Variants in DPY19L1 observed in about 807,000 individuals in gnomAD.
The protein encoded by DPY19L1 is dpy-19 like C-mannosyltransferase 1, also known as protein C-mannosyl-transferase DPY19L1.
DPY19L1 carries 35 observed loss-of-function variants against 96.9 expected under a neutral mutation model. The ratio of observed to expected loss-of-function variants is 0.36; its 90% confidence interval spans 0.28 to 0.48. DPY19L1 has a LOEUF of 0.48. Ranked by LOEUF, DPY19L1 falls within the 20% of genes least tolerant of loss-of-function variation. The probability of loss-of-function intolerance (pLI) is 0.99; values close to 1 mark genes in which losing one functional copy is unlikely to be tolerated. For synonymous variants in DPY19L1, 205 were observed against 252.6 expected, an observed-to-expected ratio of 0.81 and a Z score of 1.79; for missense variants, 521 against 777.9, an observed-to-expected ratio of 0.67 and a Z score of 3.93.
chr7:34,940,124 G>A (rs115645318), intron 19 of DPY19L1, 29 bp downstream of exon 19: 1 of 1,453,450 alleles, frequency 6.9e-7, no homozygotes, highest in African/African-American at 1.5e-5. Flanking sequence ...TAAATAATAT[G>A]ACTTTTTTTT....
intron 14 of DPY19L1, 100 bp downstream of exon 14, chr7:34,949,697 G>A (rs1784229616): frequency 1.4e-6 from 1 of 738,790 alleles, no homozygotes; most frequent in South Asian, 1.8e-5. Flanking sequence ...CCTTCAAACT[G>A]AGATAACAGC....
intron 6 of DPY19L1, among the ~76,000 whole-genome samples, chr7:34,992,858 C>G (rs1785203232): frequency 6.6e-6 from 1 of 152,026 alleles, no homozygotes; most frequent in African/African-American, 2.4e-5. Flanking sequence ...CACCTATAAC[C>G]AATCAAACTG....
chr7:34,989,543 C>T (rs192297542), intron 7 of DPY19L1, among the ~76,000 whole-genome samples: 96 of 152,000 alleles, frequency 6.3e-4, no homozygotes, highest in Non-Finnish European at 1.3e-3. Context: ...GATCACCTGA[C>T]CCCAAGAATT....
chr7:35,001,034 G>A (rs898028711), intron 6 of DPY19L1, among the ~76,000 whole-genome samples: 1 of 152,090 alleles, frequency 6.6e-6, no homozygotes, highest in Non-Finnish European at 1.5e-5. Context: ...CTGTGACCTC[G>A]GAAAAGTTAT....
chr7:34,983,762 C>G (rs1297540727), intron 7 of DPY19L1, among the ~76,000 whole-genome samples: 1 of 151,568 alleles, frequency 6.6e-6, no homozygotes, highest in Non-Finnish European at 1.5e-5. Flanking sequence ...TAATTAGAAT[C>G]CCCAAAGAAG....
chr7:35,017,480 C>A (rs1482314247), intron 3 of DPY19L1, among the ~76,000 whole-genome samples: 2 of 109,104 alleles, frequency 1.8e-5, no homozygotes, highest in East Asian at 2.5e-4. Flanking sequence ...CCGGCCTGGG[C>A]GACAGAGCGA....
intron 1 of DPY19L1, among the ~76,000 whole-genome samples, chr7:35,033,339 G>A (rs1269431840): frequency 6.6e-6 from 1 of 151,886 alleles, no homozygotes; most frequent in African/African-American, 2.4e-5. Flanking sequence ...CATTCACAAT[G>A]TGCAATTATT....
rs931198383 is a variant in DPY19L1 at position 35,037,388 on chromosome 7, G to A, written c.7C>T (p.Leu3=). MV[L]QARNKHREAA... Reference sequence around the variant, plus strand: ...TCCCGGTGCTTGTTCCGCGCCTGCAGGACCATCTTGGCATAGTCGCGCCCG... The same window carrying A: ...TCCCGGTGCTTGTTCCGCGCCTGCAAGACCATCTTGGCATAGTCGCGCCCG... Residue 3 remains leucine (L), a synonymous_variant, in exon 1 of 22, where the codon CTG becomes TTG. Transcript: ENST00000638088. 50 of 346,538 alleles carry A rather than the reference G, an allele frequency of 1.4e-4. No individual in the cohort carries two copies. The highest frequency in any genetic ancestry group is 2.1e-4 in the Non-Finnish European group (41 of 192,510). The allele number at this position is 346,538 out of a possible 1,614,324, so 21.5% of individuals were successfully genotyped here.
intron 21 of DPY19L1, among the ~76,000 whole-genome samples, chr7:34,934,037 C>A (rs1458626789): frequency 6.6e-6 from 1 of 150,492 alleles, no homozygotes; most frequent in Non-Finnish European, 1.5e-5. Context: ...GATCTCGGCT[C>A]ACTGCAAGCT....
chr7:35,010,195 A>G (rs961504345), intron 6 of DPY19L1, among the ~76,000 whole-genome samples: 5 of 152,078 alleles, frequency 3.3e-5, no homozygotes, highest in African/African-American at 1.2e-4. Flanking sequence ...ACACTACTGC[A>G]CTCCAGCCTG....
chr7:34,987,490 T>A (rs1443117555), intron 7 of DPY19L1, among the ~76,000 whole-genome samples: 4 of 152,066 alleles, frequency 2.6e-5, no homozygotes, highest in Non-Finnish European at 5.9e-5. Flanking sequence ...AAGAAAATTT[T>A]AAAAAAGTAA....
chr7:34,953,933 T>G (rs539070729), intron 13 of DPY19L1, among the ~76,000 whole-genome samples: 2 of 152,116 alleles, frequency 1.3e-5, no homozygotes, highest in African/African-American at 2.4e-5. Context: ...TCAGGGAAGA[T>G]TCCTGGGAAG....
chr7:35,036,352 A>T (rs921684147), intron 1 of DPY19L1, among the ~76,000 whole-genome samples: 5 of 152,206 alleles, frequency 3.3e-5, no homozygotes, highest in African/African-American at 1.2e-4. Context: ...CCTTATCAAA[A>T]TTCAACCAGG....
chr7:35,030,879 T>G (rs1375002609), intron 1 of DPY19L1, among the ~76,000 whole-genome samples: 1 of 152,190 alleles, frequency 6.6e-6, no homozygotes, highest in Non-Finnish European at 1.5e-5. Context: ...TTTATGAGAT[T>G]AAACAACATC....
intron 20 of DPY19L1, 191 bp downstream of exon 20, chr7:34,939,085 T>G: frequency 2.0e-6 from 1 of 493,570 alleles, no homozygotes; most frequent in Non-Finnish European, 3.5e-6. Context: ...GTTGTCACTT[T>G]CCTGCCCTGT....
chr7:34,981,035 A>T (rs1584234585), intron 7 of DPY19L1, among the ~76,000 whole-genome samples: 1 of 152,216 alleles, frequency 6.6e-6, no homozygotes, highest in Admixed American at 6.5e-5. Context: ...ATTGGACAGG[A>T]ACAGAGGTGA....
chr7:34,957,159 G>A (rs1430156855), intron 11 of DPY19L1, among the ~76,000 whole-genome samples: 3 of 151,548 alleles, frequency 2.0e-5, no homozygotes, highest in African/African-American at 7.3e-5. Flanking sequence ...GAGGTGGGCA[G>A]ATCACCTGAG....
intron 16 of DPY19L1, among the ~76,000 whole-genome samples, chr7:34,944,467 A>G (rs1372102738): frequency 6.6e-6 from 1 of 152,088 alleles, no homozygotes; most frequent in African/African-American, 2.4e-5. Flanking sequence ...GAATAAAAGT[A>G]GAGTTAAAAC....
In DPY19L1 at chr7:34,940,340, T is replaced by G. The variant is rs1783976384; in HGVS notation, c.1690-13A>C. On this transcript the variant is annotated splice_polypyrimidine_tract_variant and intron_variant, in intron 18 of 21. Transcript: ENST00000638088. ...GCCATCCAAATAGCTGAAACCAAAT[T>G]AAGAATACATTGGTAATTGTTAGTA... 6.2e-7 allele frequency: 1 copy of G among 1,600,534 alleles called. No individual in the cohort carries two copies.
Sources: allele counts gnomAD v4.1 joint callset (sites outside exome capture counted in the v4.1 genomes callset), GRCh38; gene constraint gnomAD v4.1.1; transcripts MANE v1.5; gene names NCBI Gene and HGNC (gene_info 2026-07-23, HGNC 2026-07-21).